Variants in LAMC1 observed in about 807,000 individuals in gnomAD.
LAMC1 encodes laminin subunit gamma 1, also known as laminin subunit gamma-1.
Under a neutral mutation model 173.6 loss-of-function variants are expected in LAMC1, and 38 were observed. The ratio of observed to expected loss-of-function variants is 0.22; its 90% CI spans 0.17 to 0.29. The LOEUF is 0.29. Ranked by LOEUF, LAMC1 falls within the 10% of genes least tolerant of loss-of-function variation. The pLI, the probability that LAMC1 is intolerant of heterozygous loss-of-function variation, is 1.00. For missense variants in LAMC1, 1,824 were observed against 2,051.8 expected (o/e 0.89, Z 2.14); for synonymous variants, 746 against 749.1 (o/e 1.00, Z 0.07).
At chr1:183,140,244 C>CAAAAAAAAAA (rs1657069377) in intron 26 of LAMC1, among the ~76,000 whole-genome samples, 160 bp from the exon 27 acceptor site, 4 of 29,398 alleles carry the variant, frequency 1.4e-4, no homozygotes, top group Non-Finnish European at 2.3e-4. Context: ...AGCAGCCCCA[C>CAAAAAAAAAA]CAAAAAAAAA....
chr1:183,057,102 A>G (rs539563478), intron 1 of LAMC1, among the ~76,000 whole-genome samples: 1 of 152,348 alleles, frequency 6.6e-6, no homozygotes, highest in Non-Finnish European at 1.5e-5. Flanking sequence ...GGAAAATGCA[A>G]TCCGTATTGA....
At chr1:183,109,135 C>T (rs1185039793) in intron 3 of LAMC1, among the ~76,000 whole-genome samples, 2 of 152,176 alleles carry the variant, frequency 1.3e-5, no homozygotes, top group African/African-American at 4.8e-5. Flanking sequence ...CTTACCTCCC[C>T]TGTGTTAGAC....
chr1:183,121,509 A>G (rs1399757303), intron 11 of LAMC1, among the ~76,000 whole-genome samples: 2 of 152,128 alleles, frequency 1.3e-5, no homozygotes, highest in Non-Finnish European at 2.9e-5. Context: ...GATACTTAGC[A>G]CTCAGTACCA....
Position 183,143,951 on chromosome 1 carries a change from A to G in LAMC1, c.*1161A>G, listed in dbSNP as rs1232389060. 6.6e-6 allele frequency: 1 copy of G among 152,130 alleles called. No individual in the cohort carries two copies. Among genetic ancestry groups the G allele is most frequent in the Non-Finnish European group, 1.5e-5 (1 of 68,028 alleles). The allele number at this position is 152,130 out of a possible 1,614,324, so 9.4% of individuals were successfully genotyped here. On this transcript the variant is annotated 3_prime_UTR_variant, in exon 28 of 28. Transcript: ENST00000258341. ...CCAAATCCTGGTGGCAAATACTTGC[A>G]CTCAGTATTTCACACAGCTGCCAAC...
intron 1 of LAMC1, among the ~76,000 whole-genome samples, chr1:183,069,906 G>T (rs902841426): frequency 6.6e-6 from 1 of 152,190 alleles, no homozygotes; most frequent in Non-Finnish European, 1.5e-5. Context: ...GAAAGAGATA[G>T]GGAGGGCATT....
intron 16 of LAMC1, 75 bp from the exon 17 acceptor site, chr1:183,127,140 AGTCAGCTTATT>A: frequency 7.9e-7 from 1 of 1,272,766 alleles, no homozygotes; most frequent in Non-Finnish European, 1.1e-6. Flanking sequence ...GTCAGCTTAT[AGTCAGCTTATT>A]GTTATCAGTC....
At chr1:183,029,545 C>G (rs559544521) in intron 1 of LAMC1, among the ~76,000 whole-genome samples, 25 of 152,270 alleles carry the variant, frequency 1.6e-4, no homozygotes, top group Admixed American at 1.3e-3. Flanking sequence ...AGGATCTGGA[C>G]CTTTTTGTTG....
intron 1 of LAMC1, among the ~76,000 whole-genome samples, chr1:183,059,029 A>G (rs1051305977): frequency 6.6e-6 from 1 of 152,342 alleles, no homozygotes; most frequent in South Asian, 2.1e-4. Flanking sequence ...CTATGATATG[A>G]CAGGCTCTGT....
chr1:183,092,908 T>C (rs1210974020), intron 1 of LAMC1, among the ~76,000 whole-genome samples: 1 of 152,114 alleles, frequency 6.6e-6, no homozygotes, highest in Non-Finnish European at 1.5e-5. Flanking sequence ...ACACATGATG[T>C]CTTCCCATCT....
Position 183,080,204 on chromosome 1 carries a change from A to G in LAMC1, c.419-23124A>G, listed in dbSNP as rs528869703. Among the ~76,000 whole-genome samples, 4 of 152,282 alleles carry G rather than the reference A, an allele frequency of 2.6e-5. No homozygotes were observed. In the East Asian group the frequency reaches 7.7e-4, roughly 29 times the overall value. ...GGTTGCAGTGAGCCGAGATTATGCC[A>G]TTGCACTTTAGCCTGGGTAACACAG... On this transcript the variant is annotated intron_variant, in intron 1 of 27. Coordinates refer to ENST00000258341, the MANE Select transcript of LAMC1 (RefSeq NM_002293.4).
In LAMC1 at chr1:183,110,623, G is replaced by A; in HGVS notation, c.990G>A (p.Arg330=). The A allele has an allele frequency of 6.2e-7, 1 of 1,613,962 alleles. No homozygotes were observed. The highest frequency in any genetic ancestry group is 1.1e-5 in the South Asian group (1 of 91,046). ...LPFFNDRPWR[R]ATAESASECL... ...TCTTCAATGACCGGCCGTGGAGGAG[G>A]GCAACTGCGGAAAGTGCCAGTGAAT... The change falls in exon 4 of 28, where the codon AGG becomes AGA. Residue 330 remains arginine, a synonymous_variant. Transcript: ENST00000258341.
At position 183,120,987 on chromosome 1, in the gene LAMC1, C is replaced by T. The variant is rs567944520; in HGVS notation, c.1991-736C>T. Among the ~76,000 whole-genome samples the T allele has an allele frequency of 5.3e-5, 8 of 152,288 alleles. No individual in the cohort carries two copies. The South Asian group carries it at 1.2e-3, about 24-fold the overall frequency. On this transcript the variant is annotated intron_variant, in intron 11 of 27. Coordinates refer to ENST00000258341, the MANE Select transcript of LAMC1 (RefSeq NM_002293.4). ...GAAAACACTCCTTAATGGCTGTAGA[C>T]ATAAACTCTTCTTTTCCCCCCACAC...
At position 183,113,503 on chromosome 1, in the gene LAMC1, A is replaced by G. The variant is rs568055622; in HGVS notation, c.1022-1028A>G. Reference sequence around the variant, plus strand: ...ATTTTGGGAAGAATCAATAACTCAGAAAAAAATCTTTTTATTATAAATATA... The same window carrying G: ...ATTTTGGGAAGAATCAATAACTCAGGAAAAAATCTTTTTATTATAAATATA... On this transcript the variant is annotated intron_variant, in intron 4 of 27. Transcript: ENST00000258341. Among the ~76,000 whole-genome samples the G allele has an allele frequency of 1.4e-3, 210 of 152,314 alleles. 1 individual carries two copies. Among genetic ancestry groups the G allele is most frequent in the African/African-American group, 4.9e-3 (205 of 41,566 alleles).
intron 4 of LAMC1, among the ~76,000 whole-genome samples, 176 bp from the exon 5 acceptor site, chr1:183,114,355 G>A (rs1289937740): frequency 1.3e-5 from 2 of 152,212 alleles, no homozygotes; most frequent in Admixed American, 6.5e-5. Context: ...ATAGGCATGA[G>A]CCACTGCACC....
rs183319089 is a variant in LAMC1 at position 183,054,414 on chromosome 1, A to G, written c.418+30280A>G. On this transcript the variant is annotated intron_variant, in intron 1 of 27. Coordinates refer to ENST00000258341, the MANE Select transcript of LAMC1 (RefSeq NM_002293.4). ...TCTGCCTCAGAATAAAATGCCTTCT[A>G]TACAACGTGGCTGTAACCTTAACTT... Among the ~76,000 whole-genome samples the G allele has an allele frequency of 1.4e-3, 212 of 152,312 alleles. 1 individual carries two copies. The highest frequency in any genetic ancestry group is 2.6e-3 in the Non-Finnish European group (175 of 68,034).
At chr1:183,119,941 C>T (rs1656423809) in intron 11 of LAMC1, among the ~76,000 whole-genome samples, 1 of 151,726 alleles carries the variant, frequency 6.6e-6, no homozygotes, top group Non-Finnish European at 1.5e-5. Flanking sequence ...GAGGCTGAGG[C>T]AGGAGGATTG....
intron 26 of LAMC1, among the ~76,000 whole-genome samples, 159 bp from the exon 27 acceptor site, chr1:183,140,245 C>CAAAAAAAAAAAAAAGAAAA (rs1657070621): frequency 1.9e-5 from 1 of 52,936 alleles, no homozygotes; most frequent in African/African-American, 7.1e-5. Context: ...GCAGCCCCAC[C>CAAAAAAAAAAAAAAGAAAA]AAAAAAAAAA....
intron 8 of LAMC1, 73 bp downstream of exon 8, chr1:183,116,976 A>G: frequency 6.8e-7 from 1 of 1,461,180 alleles, no homozygotes; most frequent in Non-Finnish European, 9.4e-7. Flanking sequence ...AAATAAAATC[A>G]GTGACTCTTT....
intron 1 of LAMC1, among the ~76,000 whole-genome samples, chr1:183,098,443 T>C (rs1394587778): frequency 6.6e-6 from 1 of 152,216 alleles, no homozygotes; most frequent in Non-Finnish European, 1.5e-5. Context: ...CTTGTTGTCT[T>C]TCTTTTACAT....
Sources: gnomAD v4.1 joint callset for allele counts (sites outside exome capture counted in the v4.1 genomes callset) on GRCh38, gnomAD v4.1.1 for gene constraint, MANE v1.5 for transcripts, NCBI Gene and HGNC (gene_info 2026-07-23, HGNC 2026-07-21) for gene names.